PPARGC1A: variants seen among roughly 807,000 people sequenced by gnomAD.
PPARGC1A encodes peroxisome proliferator-activated receptor gamma coactivator 1-alpha.
In PPARGC1A, 25 loss-of-function variants were observed where a neutral mutation model predicts 88.7. The observed-to-expected ratio is 0.28, with a 90% CI of 0.21 to 0.39. The LOEUF (loss-of-function observed/expected upper bound fraction) is 0.39. Ranked by LOEUF, PPARGC1A falls within the 10% of genes least tolerant of loss-of-function variation. The probability of loss-of-function intolerance (pLI) is 1.00; values close to 1 mark genes in which losing one functional copy is unlikely to be tolerated. For synonymous variants in PPARGC1A, 363 were observed against 355.6 expected, an observed-to-expected ratio of 1.02 and a Z score of -0.24; for missense variants, 880 against 968.7, an observed-to-expected ratio of 0.91 and a Z score of 1.22.
At chr4:24,213,315 C>T in the PPARGC1A span, among the ~76,000 whole-genome samples, 15 of 151,926 alleles carry the variant, frequency 9.9e-5, no homozygotes, top group Admixed American at 2.0e-4. Context: ...TACAGGCGCC[C>T]ACCACCCGGC....
chr4:24,159,702 T>C, the PPARGC1A span, among the ~76,000 whole-genome samples: 3 of 152,218 alleles, frequency 2.0e-5, no homozygotes, highest in Admixed American at 2.0e-4. Flanking sequence ...TTTCAACTCA[T>C]GTCAGTTCCC....
At chr4:24,107,710 A>G in the PPARGC1A span, among the ~76,000 whole-genome samples, 1 of 152,340 alleles carries the variant, frequency 6.6e-6, no homozygotes, top group African/African-American at 2.4e-5. Flanking sequence ...TATCAGTTGT[A>G]GTGTGTACAG....
chr4:24,162,423 T>C, the PPARGC1A span, among the ~76,000 whole-genome samples: 1 of 152,114 alleles, frequency 6.6e-6, no homozygotes, highest in Non-Finnish European at 1.5e-5. Flanking sequence ...TCTGAGTATG[T>C]ACTCCCCTCA....
chr4:24,251,015 A>G, the PPARGC1A span, among the ~76,000 whole-genome samples: 1 of 152,242 alleles, frequency 6.6e-6, no homozygotes, highest in Admixed American at 6.5e-5. Context: ...TGATATGACC[A>G]CTATTATTCA....
the PPARGC1A span, among the ~76,000 whole-genome samples, chr4:24,360,522 G>A: frequency 6.6e-6 from 1 of 152,022 alleles, no homozygotes; most frequent in African/African-American, 2.4e-5. Flanking sequence ...TTTGTGTGTT[G>A]TCTGCCTCCC....
At chr4:23,955,477 T>A in the PPARGC1A span, among the ~76,000 whole-genome samples, 12 of 152,088 alleles carry the variant, frequency 7.9e-5, no homozygotes, top group Non-Finnish European at 1.8e-4. Flanking sequence ...GCCTAACTAC[T>A]GATGTAAAGG....
chr4:24,003,114 C>A, the PPARGC1A span, among the ~76,000 whole-genome samples: 1 of 152,058 alleles, frequency 6.6e-6, no homozygotes, highest in African/African-American at 2.4e-5. Context: ...AAGTAAAAAG[C>A]CTCTCATTTT....
the PPARGC1A span, among the ~76,000 whole-genome samples, chr4:24,359,565 A>G: frequency 2.0e-5 from 3 of 152,184 alleles, no homozygotes; most frequent in African/African-American, 7.2e-5. Context: ...CTATTCCCTG[A>G]TACCTATGAA....
the PPARGC1A span, among the ~76,000 whole-genome samples, chr4:24,374,740 A>C: frequency 6.6e-6 from 1 of 152,296 alleles, no homozygotes; most frequent in Non-Finnish European, 1.5e-5. Flanking sequence ...TCAGATACTA[A>C]CAAGTGTTGG....
chr4:24,314,626 G>A, the PPARGC1A span, among the ~76,000 whole-genome samples: 8 of 152,058 alleles, frequency 5.3e-5, no homozygotes, highest in South Asian at 2.1e-4. Context: ...AAAGATTTGC[G>A]GTAAGTATGA....
intron 2 of PPARGC1A, among the ~76,000 whole-genome samples, chr4:23,881,462 A>G (rs917434286): frequency 3.3e-5 from 5 of 152,324 alleles, no homozygotes; most frequent in African/African-American, 1.2e-4. Context: ...TTCATTTTTT[A>G]TCATTATTAA....
chr4:24,465,582 T>G, the PPARGC1A span, among the ~76,000 whole-genome samples: 1 of 152,160 alleles, frequency 6.6e-6, no homozygotes, highest in African/African-American at 2.4e-5. Flanking sequence ...GTGACCCCAT[T>G]CTCATTCCAA....
chr4:24,057,165 T>C, the PPARGC1A span, among the ~76,000 whole-genome samples: 2 of 152,154 alleles, frequency 1.3e-5, no homozygotes, highest in African/African-American at 2.4e-5. Context: ...GGATGAAACT[T>C]AAAGACATTA....
the PPARGC1A span, among the ~76,000 whole-genome samples, chr4:23,968,670 T>C: frequency 1.3e-5 from 2 of 152,238 alleles, no homozygotes; most frequent in East Asian, 3.9e-4. Flanking sequence ...ATCCCAGCAA[T>C]TTGGGAGGCC....
the PPARGC1A span, among the ~76,000 whole-genome samples, chr4:24,431,817 G>T: frequency 6.6e-6 from 1 of 152,156 alleles, no homozygotes; most frequent in Admixed American, 6.5e-5. Flanking sequence ...TTGAGTAAGT[G>T]AATGGATAAG....
chr4:24,343,041 G>A, the PPARGC1A span, among the ~76,000 whole-genome samples: 1 of 152,188 alleles, frequency 6.6e-6, no homozygotes, highest in South Asian at 2.1e-4. Context: ...CAGTCAGCTT[G>A]TGGGATTCAT....
At chr4:24,328,253 C>A in the PPARGC1A span, among the ~76,000 whole-genome samples, 3 of 37,324 alleles carry the variant, frequency 8.0e-5, no homozygotes, top group Non-Finnish European at 1.5e-4. Flanking sequence ...AATTAGCAGC[C>A]CCCCCCCCAA....
the PPARGC1A span, among the ~76,000 whole-genome samples, chr4:24,383,418 C>T: frequency 1.3e-5 from 2 of 152,214 alleles, no homozygotes; most frequent in Non-Finnish European, 2.9e-5. Flanking sequence ...TAGGTAATAA[C>T]AAACTCCTCC....
the PPARGC1A span, among the ~76,000 whole-genome samples, chr4:24,467,034 AAG>A: frequency 4.4e-4 from 49 of 112,324 alleles, no homozygotes; most frequent in East Asian, 4.6e-3. Context: ...AAGAAAGAGA[AAG>A]AGAGAGAGAG....
Sources: allele counts gnomAD v4.1 joint callset (sites outside exome capture counted in the v4.1 genomes callset), GRCh38; gene constraint gnomAD v4.1.1; transcripts MANE v1.5; gene names NCBI Gene and HGNC (gene_info 2026-07-23, HGNC 2026-07-21).